SDK1: variants seen among roughly 807,000 people sequenced by gnomAD.
The protein encoded by SDK1 is sidekick cell adhesion molecule 1.
Under a neutral mutation model 245.5 loss-of-function variants are expected in SDK1, and 157 were observed. The ratio of observed to expected loss-of-function variants is 0.64; its 90% confidence interval spans 0.56 to 0.73. SDK1 has a LOEUF of 0.73. SDK1 is among the 30% of genes least tolerant of loss of function. The pLI, the probability that SDK1 is intolerant of heterozygous loss-of-function variation, is 0.00. For missense variants in SDK1, 3,583 were observed against 3,002.3 expected (o/e 1.19, Z -4.52); for synonymous variants, 1,647 against 1,278.5 (o/e 1.29, Z -6.15).
intron 1 of SDK1, among the ~76,000 whole-genome samples, chr7:3,358,968 T>C (rs1011788546): frequency 1.3e-5 from 2 of 152,230 alleles, no homozygotes; most frequent in African/African-American, 4.8e-5. Flanking sequence ...AATATCTTAA[T>C]CACAGCCCTG....
At chr7:3,321,143 A>G (rs1415744356) in intron 1 of SDK1, among the ~76,000 whole-genome samples, 4 of 152,356 alleles carry the variant, frequency 2.6e-5, no homozygotes, top group African/African-American at 9.6e-5. Context: ...TATTCATCAT[A>G]CGTGAAATAA....
chr7:3,776,369 C>G (rs575132013), intron 4 of SDK1, among the ~76,000 whole-genome samples: 20 of 152,306 alleles, frequency 1.3e-4, no homozygotes, highest in Non-Finnish European at 2.1e-4. Flanking sequence ...CGGTGAAAAT[C>G]TATTCTGTCA....
chr7:3,904,091 C>G (rs1303784617), intron 5 of SDK1, among the ~76,000 whole-genome samples: 8 of 152,176 alleles, frequency 5.3e-5, no homozygotes. Flanking sequence ...CACCCAGTCT[C>G]AGGTATTCTG....
At chr7:3,695,264 A>C (rs1165335381) in intron 4 of SDK1, among the ~76,000 whole-genome samples, 1 of 152,232 alleles carries the variant, frequency 6.6e-6, no homozygotes, top group Non-Finnish European at 1.5e-5. Flanking sequence ...TTGCAGGAGG[A>C]TAGGAAATGG....
intron 17 of SDK1, among the ~76,000 whole-genome samples, chr7:4,022,548 T>C (rs1162460479): frequency 3.3e-5 from 5 of 152,132 alleles, no homozygotes; most frequent in African/African-American, 1.2e-4. Context: ...GGGAAGGGCA[T>C]GCAGGCTGCC....
intron 1 of SDK1, among the ~76,000 whole-genome samples, chr7:3,360,727 G>T (rs1780928427): frequency 2.6e-5 from 4 of 152,144 alleles, no homozygotes; most frequent in Admixed American, 2.6e-4. Flanking sequence ...TGGAGCACTG[G>T]GTGAGAAGCT....
intron 7 of SDK1, among the ~76,000 whole-genome samples, chr7:3,955,167 CT>C (rs1010254121): frequency 1.4e-3 from 208 of 152,318 alleles, no homozygotes; most frequent in African/African-American, 4.9e-3. Flanking sequence ...GGGATGGACT[CT>C]TTACCTGGTG....
chr7:3,470,113 T>C (rs144233567), intron 1 of SDK1, among the ~76,000 whole-genome samples: 24 of 152,320 alleles, frequency 1.6e-4, no homozygotes, highest in African/African-American at 5.8e-4. Flanking sequence ...CTCAGCCTTT[T>C]TGGGGCTTAG....
At chr7:3,413,661 A>G (rs2128578280) in intron 1 of SDK1, among the ~76,000 whole-genome samples, 1 of 152,214 alleles carries the variant, frequency 6.6e-6, no homozygotes, top group African/African-American at 2.4e-5. Context: ...ACTGCACTCC[A>G]GGGCAACAGA....
chr7:3,902,420 C>A (rs377086073), intron 5 of SDK1, among the ~76,000 whole-genome samples: 1 of 152,222 alleles, frequency 6.6e-6, no homozygotes, highest in Non-Finnish European at 1.5e-5. Flanking sequence ...TACTACTGCT[C>A]ACTACAAATT....
chr7:3,638,646 AG>A (rs1463201163), intron 2 of SDK1, among the ~76,000 whole-genome samples: 1 of 56,242 alleles, frequency 1.8e-5, no homozygotes, highest in Non-Finnish European at 3.2e-5. Flanking sequence ...GGGTGGGGGG[AG>A]GGGGGAGGGA....
chr7:3,777,565 A>G (rs1780602684), intron 4 of SDK1, among the ~76,000 whole-genome samples: 1 of 152,204 alleles, frequency 6.6e-6, no homozygotes, highest in African/African-American at 2.4e-5. Flanking sequence ...TGATGTGCCC[A>G]GCAGCAGGCT....
chr7:3,900,470 G>T (rs1182620988), intron 5 of SDK1, among the ~76,000 whole-genome samples: 3 of 152,156 alleles, frequency 2.0e-5, no homozygotes, highest in East Asian at 1.9e-4. Context: ...AGCCTTTCCA[G>T]TGTGTTTAAC....
intron 1 of SDK1, among the ~76,000 whole-genome samples, chr7:3,471,484 T>C (rs1290587781): frequency 6.6e-6 from 1 of 152,186 alleles, no homozygotes; most frequent in Non-Finnish European, 1.5e-5. Flanking sequence ...AAACTACAGG[T>C]ACTTAAAACC....
At chr7:3,759,102 A>T (rs1483117926) in intron 4 of SDK1, among the ~76,000 whole-genome samples, 5 of 152,196 alleles carry the variant, frequency 3.3e-5, no homozygotes, top group African/African-American at 1.2e-4. Flanking sequence ...GTATCCTGCG[A>T]GAAACAAATT....
chr7:3,551,973 T>C (rs1372299061), intron 1 of SDK1, among the ~76,000 whole-genome samples: 13 of 152,192 alleles, frequency 8.5e-5, no homozygotes, highest in Non-Finnish European at 1.5e-4. Flanking sequence ...ATTAATACTA[T>C]GGCCTGGGTC....
rs78606493 is a variant in SDK1, at chr7:3,768,235, A to G, written c.714-53215A>G. The stretch of plus-strand genomic sequence containing the variant: ...TAGACTGCAACCATACTTCTCCTCT[A>G]CCACCTAAGTTGCAACAGAAAAACT... On this transcript the variant is annotated intron_variant, in intron 4 of 44. Coordinates refer to ENST00000404826, the MANE Select transcript of SDK1 (RefSeq NM_152744.4). Among the ~76,000 whole-genome samples the G allele has an allele frequency of 3.3e-3, 497 of 152,274 alleles. 1 individual carries two copies. The highest frequency in any genetic ancestry group is 0.011 in the African/African-American group (465 of 41,558).
At chr7:4,247,398 C>T (rs1476892876) in intron 44 of SDK1, among the ~76,000 whole-genome samples, 3 of 152,160 alleles carry the variant, frequency 2.0e-5, no homozygotes, top group Admixed American at 6.5e-5. Context: ...AGCAGATGCT[C>T]GGAAAGGGAC....
intron 5 of SDK1, among the ~76,000 whole-genome samples, chr7:3,852,921 A>G (rs1273862445): frequency 1.3e-5 from 2 of 152,004 alleles, no homozygotes; most frequent in Non-Finnish European, 2.9e-5. Context: ...ATCATCTCAT[A>G]TGGGTGCAGA....
Sources: allele counts gnomAD v4.1 joint callset (sites outside exome capture counted in the v4.1 genomes callset), GRCh38; gene constraint gnomAD v4.1.1; transcripts MANE v1.5; gene names NCBI Gene and HGNC (gene_info 2026-07-23, HGNC 2026-07-21).